CDH13: variants seen among roughly 807,000 people sequenced by gnomAD.
CDH13 encodes cadherin 13.
A neutral mutation model predicts 63.8 loss-of-function variants in CDH13; 24 were observed. The observed-to-expected ratio is 0.38, with a 90% CI of 0.27 to 0.53. The LOEUF is 0.53. Ranked by LOEUF, CDH13 falls within the 20% of genes least tolerant of loss-of-function variation. The probability of loss-of-function intolerance (pLI) is 0.85; values close to 1 mark genes in which losing one functional copy is unlikely to be tolerated. For synonymous variants in CDH13, 503 were observed against 355.3 expected, an observed-to-expected ratio of 1.42 and a Z score of -4.67; for missense variants, 1,049 against 903.1, an observed-to-expected ratio of 1.16 and a Z score of -2.07.
At position 83,670,868 on chromosome 16, in the gene CDH13, G is replaced by A. The variant is rs1174991554; in HGVS notation, c.1180G>A (p.Gly394Ser). 1 of 1,613,850 alleles carries A rather than the reference G, an allele frequency of 6.2e-7. No homozygotes were observed. Among genetic ancestry groups the A allele is most frequent in the Non-Finnish European group, 8.5e-7 (1 of 1,179,762 alleles). Residue 394 changes from glycine to serine, a missense_variant, in exon 9 of 14, where the codon GGT becomes AGT. Physicochemically the swap from Gly to Ser is moderately conservative, Grantham distance 56 (BLOSUM62 0). Transcript: ENST00000567109. Reference protein sequence around the residue: ...TVEDKDDPTTGAWRAAYTIIN... With the variant: ...TVEDKDDPTTSAWRAAYTIIN... ...TGAAGATAAGGATGACCCCACCACAGGTGCATGGAGGGCTGCCTACACCAT... is the reference window on the plus strand; with the variant it reads ...TGAAGATAAGGATGACCCCACCACAAGTGCATGGAGGGCTGCCTACACCAT...
chr16:83,794,582 C>T (rs1206727978), intron 13 of CDH13, among the ~76,000 whole-genome samples: 2 of 151,974 alleles, frequency 1.3e-5, no homozygotes, highest in Non-Finnish European at 2.9e-5. Context: ...TTTGAAGAAC[C>T]ACCAATAGGT....
chr16:82,995,811 G>A (rs141188696), intron 2 of CDH13, among the ~76,000 whole-genome samples: 2 of 152,224 alleles, frequency 1.3e-5, no homozygotes, highest in African/African-American at 2.4e-5. Context: ...CAGGGATCAC[G>A]CTGCATCCAT....
At chr16:83,399,804 C>T (rs946218699) in intron 6 of CDH13, among the ~76,000 whole-genome samples, 35 of 152,098 alleles carry the variant, frequency 2.3e-4, no homozygotes, top group African/African-American at 8.0e-4. Flanking sequence ...CCATTTTACC[C>T]CCCGCCGCAT....
At chr16:82,948,807 T>A (rs907158974) in intron 2 of CDH13, among the ~76,000 whole-genome samples, 1 of 152,180 alleles carries the variant, frequency 6.6e-6, no homozygotes, top group African/African-American at 2.4e-5. Flanking sequence ...GGTTTGAATG[T>A]AACCAATGTT....
At chr16:83,265,624 T>G (rs1161305396) in intron 5 of CDH13, among the ~76,000 whole-genome samples, 2 of 152,030 alleles carry the variant, frequency 1.3e-5, no homozygotes, top group East Asian at 3.9e-4. Flanking sequence ...ATAGTAATCT[T>G]TGTTTTGTGA....
At chr16:83,256,309 G>A (rs779661277) in intron 5 of CDH13, among the ~76,000 whole-genome samples, 3 of 151,982 alleles carry the variant, frequency 2.0e-5, no homozygotes, top group Non-Finnish European at 4.4e-5. Context: ...CTGGGATTAC[G>A]AGCATGTACC....
rs117224801 is a variant in CDH13 at position 83,101,443 on chromosome 16, A to G, written c.367-23942A>G. Among the ~76,000 whole-genome samples the G allele has an allele frequency of 2.4e-3, 370 of 151,192 alleles. 5 individuals carry two copies. Among genetic ancestry groups the G allele is most frequent in the East Asian group, 0.018 (93 of 5,170 alleles). On this transcript the variant is annotated intron_variant, in intron 3 of 13. Transcript: ENST00000567109. The stretch of plus-strand genomic sequence containing the variant: ...GTTAGATTGTGATATTGCCAAAAAA[A>G]AAAAGAGTAAAATAAAGCACAGGAG...
chr16:83,191,466 T>C (rs113489517), intron 4 of CDH13, among the ~76,000 whole-genome samples: 3 of 116,184 alleles, frequency 2.6e-5, no homozygotes, highest in African/African-American at 9.5e-5. Flanking sequence ...GAAATATATA[T>C]ATATATATAT....
At chr16:82,712,084 G>A (rs75640072) in intron 1 of CDH13, among the ~76,000 whole-genome samples, 7 of 151,768 alleles carry the variant, frequency 4.6e-5, no homozygotes, top group East Asian at 1.9e-4. Flanking sequence ...ATATTATTTC[G>A]TCCAAACTTA....
chr16:82,840,716 A>G (rs753521291), intron 1 of CDH13, among the ~76,000 whole-genome samples: 1 of 150,966 alleles, frequency 6.6e-6, no homozygotes, highest in Non-Finnish European at 1.5e-5. Context: ...AAAAACTTGC[A>G]TAATGGAGCA....
intron 4 of CDH13, among the ~76,000 whole-genome samples, chr16:83,126,355 C>T (rs966907051): frequency 1.3e-5 from 2 of 152,144 alleles, no homozygotes; most frequent in Non-Finnish European, 2.9e-5. Flanking sequence ...TCTAAGCTGA[C>T]CTGATTGGCT....
At chr16:83,486,426 G>T in intron 6 of CDH13, 51 bp from the exon 7 acceptor site, 1 of 1,542,508 alleles carries the variant, frequency 6.5e-7, no homozygotes. Flanking sequence ...GGCTCTGGCC[G>T]TTGTTGACCC....
chr16:83,113,619 G>A (rs1356785458), intron 3 of CDH13, among the ~76,000 whole-genome samples: 1 of 152,184 alleles, frequency 6.6e-6, no homozygotes, highest in Admixed American at 6.5e-5. Context: ...GCTGAGACAG[G>A]GCTCTAGGGG....
At chr16:83,286,306 C>T (rs911697745) in intron 5 of CDH13, among the ~76,000 whole-genome samples, 2 of 152,150 alleles carry the variant, frequency 1.3e-5, no homozygotes, top group Non-Finnish European at 2.9e-5. Context: ...TTTACTTTGA[C>T]AAATATTTTT....
chr16:83,244,805 G>A (rs531738282), intron 5 of CDH13, among the ~76,000 whole-genome samples: 2 of 152,128 alleles, frequency 1.3e-5, no homozygotes, highest in Non-Finnish European at 2.9e-5. Context: ...GTGACAACGA[G>A]TATAAAATGC....
chr16:83,696,603 C>A (rs994014080), intron 10 of CDH13, among the ~76,000 whole-genome samples: 7 of 152,196 alleles, frequency 4.6e-5, no homozygotes, highest in Admixed American at 1.3e-4. Flanking sequence ...AAAGATGCAA[C>A]ATTTTACAGC....
At chr16:83,413,735 C>G (rs755439013) in intron 6 of CDH13, among the ~76,000 whole-genome samples, 11 of 152,174 alleles carry the variant, frequency 7.2e-5, no homozygotes, top group Non-Finnish European at 1.3e-4. Context: ...TGCCTGTAAT[C>G]TCAGCACTTT....
chr16:83,342,690 A>G (rs1381165127), intron 5 of CDH13, among the ~76,000 whole-genome samples: 1 of 152,074 alleles, frequency 6.6e-6, no homozygotes, highest in Non-Finnish European at 1.5e-5. Context: ...TGCCCTTCCC[A>G]GTTTCAGCAT....
chr16:82,639,258 G>C, intron 1 of CDH13: 1 of 678,692 alleles, frequency 1.5e-6, no homozygotes, highest in Admixed American at 2.7e-5. Flanking sequence ...AAGTGGGTCT[G>C]GGCCCTGGAC....
Sources: gnomAD v4.1 joint callset for allele counts (sites outside exome capture counted in the v4.1 genomes callset) on GRCh38, gnomAD v4.1.1 for gene constraint, MANE v1.5 for transcripts, NCBI Gene and HGNC (gene_info 2026-07-23, HGNC 2026-07-21) for gene names.